The following PIK3CD variants were observed in gnomAD, a reference collection of about 807,000 sequenced individuals.
PIK3CD encodes the protein phosphatidylinositol 4,5-bisphosphate 3-kinase catalytic subunit delta isoform.
Under a neutral mutation model 122.9 loss-of-function variants are expected in PIK3CD, and 20 were observed. The observed-to-expected ratio is 0.16, with a 90% confidence interval of 0.11 to 0.24. The LOEUF is 0.24. PIK3CD is among the 10% of genes least tolerant of loss of function. The pLI, the probability that PIK3CD is intolerant of heterozygous loss-of-function variation, is 1.00. For synonymous variants in PIK3CD, 596 were observed against 593.4 expected (o/e 1.00, Z -0.06); for missense variants, 787 against 1,406.3 (o/e 0.56, Z 7.04).
At chr1:9,688,624 A>G (rs1646064455) in intron 1 of PIK3CD, among the ~76,000 whole-genome samples, 1 of 152,188 alleles carries the variant, frequency 6.6e-6, no homozygotes, top group Non-Finnish European at 1.5e-5. Flanking sequence ...CAGGAGTTCG[A>G]GACCAGCGTA....
At chr1:9,648,565 C>A (rs1488530919), upstream of PIK3CD, among the ~76,000 whole-genome samples, 1 of 152,238 alleles carries the variant, frequency 6.6e-6, no homozygotes, top group East Asian at 1.9e-4. Context: ...CCTTCTGAAA[C>A]GTCCATTTGT....
intron 1 of PIK3CD, among the ~76,000 whole-genome samples, chr1:9,663,359 G>A (rs115725594): frequency 5.3e-4 from 81 of 152,208 alleles, no homozygotes; most frequent in Non-Finnish European, 9.0e-4. Context: ...TTATGTGCCC[G>A]AGAGGGTGCG....
At chr1:9,654,882 A>C (rs1242225930) in intron 1 of PIK3CD, among the ~76,000 whole-genome samples, 1 of 151,874 alleles carries the variant, frequency 6.6e-6, no homozygotes, top group African/African-American at 2.4e-5. Context: ...CAACATGGTG[A>C]ATATCTGTCT....
chr1:9,681,678 G>A (rs984340036), intron 1 of PIK3CD, among the ~76,000 whole-genome samples: 1 of 152,190 alleles, frequency 6.6e-6, no homozygotes, highest in Non-Finnish European at 1.5e-5. Context: ...CAAAAGTGCT[G>A]GGATTACAGG....
the PIK3CD span, among the ~76,000 whole-genome samples, chr1:9,628,741 A>G: frequency 2.0e-5 from 3 of 151,728 alleles, no homozygotes; most frequent in African/African-American, 7.3e-5. Flanking sequence ...TGTTGGGGGG[A>G]TTTCCAGAGG....
At chr1:9,633,346 C>T in the PIK3CD span, among the ~76,000 whole-genome samples, 2 of 150,772 alleles carry the variant, frequency 1.3e-5, no homozygotes, top group Admixed American at 6.6e-5. Flanking sequence ...TCGCTCTTGT[C>T]GCCCAGGCTG....
chr1:9,710,448 A>G lies in PIK3CD; in HGVS notation c.-8A>G. 1 of 1,614,040 alleles carries G rather than the reference A, an allele frequency of 6.2e-7. No homozygotes were observed. Among genetic ancestry groups the G allele is most frequent in the African/African-American group, 1.3e-5 (1 of 75,034 alleles). On this transcript the variant is annotated 5_prime_UTR_variant, in exon 3 of 24. Coordinates refer to ENST00000377346, the MANE Select transcript of PIK3CD (RefSeq NM_005026.5). The surrounding 1 kb of genome is among the most constrained non-coding windows in gnomAD (Gnocchi z 4.7). ...GGACAACTGTCATCTGGGAAGTAACAACGCAGGATGCCCCCTGGGGTGGAC... is the reference window on the plus strand; with the variant it reads ...GGACAACTGTCATCTGGGAAGTAACGACGCAGGATGCCCCCTGGGGTGGAC...
intron 1 of PIK3CD, among the ~76,000 whole-genome samples, chr1:9,690,593 G>A (rs1044174520): frequency 1.3e-5 from 2 of 152,168 alleles, no homozygotes; most frequent in Non-Finnish European, 2.9e-5. Context: ...GGGAGCATCC[G>A]AGCCCGCATG....
chr1:9,723,845 C>T lies in PIK3CD; in HGVS notation c.2595-124C>T. On this transcript the variant is annotated intron_variant, in intron 20 of 23. Coordinates refer to ENST00000377346, the MANE Select transcript of PIK3CD (RefSeq NM_005026.5). The surrounding 1 kb of genome is among the most constrained non-coding windows in gnomAD (Gnocchi z 4.9). ...CAAGCGATGTCCAGCATTGTGTCCT[C>T]CATGTTCTGTTGGTCAAAGCAAGTC... 1 of 860,448 alleles carries T rather than the reference C, an allele frequency of 1.2e-6. No homozygotes were observed. The highest frequency in any genetic ancestry group is 1.9e-6 in the Non-Finnish European group (1 of 516,700). 53.3% of individuals were successfully genotyped at this position (860,448 alleles called of 1,614,324 possible). A position where few individuals can be genotyped will look rare whatever the true frequency, so the allele number is the denominator to read the frequency against.
At position 9,724,484 on chromosome 1, in the gene PIK3CD, G is replaced by T; in HGVS notation, c.2864+63G>T. 3.8e-6 allele frequency: 6 copies of T among 1,589,998 alleles called. No individual in the cohort carries two copies. Among genetic ancestry groups the T allele is most frequent in the Non-Finnish European group, 5.2e-6 (6 of 1,160,018 alleles). On this transcript the variant is annotated intron_variant, in intron 22 of 23. Coordinates refer to ENST00000377346, the MANE Select transcript of PIK3CD (RefSeq NM_005026.5). The surrounding 1 kb of genome is among the most constrained non-coding windows in gnomAD (Gnocchi z 7.3). Reference sequence around the variant, plus strand: ...TGGGGCCCCAGGGAACAGGGCAGAGGTTCCCAGGCAGGGTGCAGGATGGGG... The same window carrying T: ...TGGGGCCCCAGGGAACAGGGCAGAGTTTCCCAGGCAGGGTGCAGGATGGGG...
the PIK3CD span, among the ~76,000 whole-genome samples, chr1:9,628,792 G>T: frequency 6.6e-6 from 1 of 150,600 alleles, no homozygotes; most frequent in South Asian, 2.1e-4. Context: ...TGGAGGAGTG[G>T]GTGGTGAAGG....
At chr1:9,667,644 A>G (rs1328694841) in intron 1 of PIK3CD, among the ~76,000 whole-genome samples, 1 of 152,000 alleles carries the variant, frequency 6.6e-6, no homozygotes, top group Non-Finnish European at 1.5e-5. Flanking sequence ...CGAAAGTGCT[A>G]GGATTACAGG....
At chr1:9,627,273 G>A in the PIK3CD span, among the ~76,000 whole-genome samples, 1 of 152,254 alleles carries the variant, frequency 6.6e-6, no homozygotes, top group Admixed American at 6.5e-5. Flanking sequence ...ACGCCGGCTG[G>A]GCGACCTAAG....
At chr1:9,628,722 T>C in the PIK3CD span, among the ~76,000 whole-genome samples, 1 of 152,098 alleles carries the variant, frequency 6.6e-6, no homozygotes, top group Non-Finnish European at 1.5e-5. Flanking sequence ...GTTTGAGGGC[T>C]CTGTGGAATG....
intron 1 of PIK3CD, among the ~76,000 whole-genome samples, chr1:9,690,334 T>C (rs1381110065): frequency 6.6e-6 from 1 of 151,948 alleles, no homozygotes; most frequent in African/African-American, 2.4e-5. Context: ...ATTCTCTCCT[T>C]CTCTTCCTTC....
At position 9,652,421 on chromosome 1, in the gene PIK3CD, C is replaced by T. The variant is rs1194861442; in HGVS notation, c.-138+619C>T. ...GGTGGAAGTTTTCGGGGCTTCCTCC[C>T]GGCTCGTGGACCCGCGCCCCGCCTC... is the stretch of plus-strand genomic sequence containing the variant. On this transcript the variant is annotated intron_variant, in intron 1 of 23. Coordinates refer to ENST00000377346, the MANE Select transcript of PIK3CD (RefSeq NM_005026.5). This position sits in a 1 kb window ranked among gnomAD's most constrained non-coding sequence, Gnocchi z 6.2. Among the ~76,000 whole-genome samples the T allele has an allele frequency of 1.3e-5, 2 of 152,160 alleles. No homozygotes were observed. Among genetic ancestry groups the T allele is most frequent in the African/African-American group, 4.8e-5 (2 of 41,442 alleles).
chr1:9,671,373 A>C lies in PIK3CD; in HGVS notation c.-138+19571A>C, dbSNP rs960430780. 1.6e-4 allele frequency among the ~76,000 whole-genome samples: 25 copies of C among 152,182 alleles called. 1 individual carries two copies. Among genetic ancestry groups the C allele is most frequent in the Admixed American group, 1.6e-3 (24 of 15,284 alleles). ...CTTGGCCTTCCAAAGTGCTGGGATT[A>C]TAGGTGTGAGCCACCAGGCCTGGCC... On this transcript the variant is annotated intron_variant, in intron 1 of 23. Coordinates refer to ENST00000377346, the MANE Select transcript of PIK3CD (RefSeq NM_005026.5).
rs1650075446 is a variant in PIK3CD at position 9,728,683 on chromosome 1, G to GTTA, written c.*1640_*1642dup. ...GAAATGGGGAAAGCCGTGCGTGCGC[G>GTTA]TTATTTATTTAAGTGCGCCTGTGTG... is the stretch of plus-strand genomic sequence containing the variant. On this transcript the variant is annotated 3_prime_UTR_variant, in exon 24 of 24. Coordinates refer to ENST00000377346, the MANE Select transcript of PIK3CD (RefSeq NM_005026.5). 1 of 152,270 alleles carries GTTA rather than the reference G, an allele frequency of 6.6e-6. No individual in the cohort carries two copies. Among genetic ancestry groups the GTTA allele is most frequent in the African/African-American group, 2.4e-5 (1 of 41,472 alleles). The allele number at this position is 152,270 out of a possible 1,614,324, so 9.4% of individuals were successfully genotyped here.
chr1:9,687,639 C>G (rs912850764), intron 1 of PIK3CD: 66 of 152,258 alleles, frequency 4.3e-4, no homozygotes, highest in African/African-American at 1.5e-3. Context: ...CGCCCTCTCC[C>G]GGGATCTGTG....
Sources: gnomAD v4.1 joint callset for allele counts (sites outside exome capture counted in the v4.1 genomes callset) on GRCh38, gnomAD v4.1.1 for gene constraint, Gnocchi (gnomAD v3.1) non-coding constraint, MANE v1.5 for transcripts, NCBI Gene and HGNC (gene_info 2026-07-23, HGNC 2026-07-21) for gene names.